The following DLC1 variants were observed in gnomAD, a reference collection of about 807,000 sequenced individuals.
DLC1 encodes DLC1 Rho GTPase activating protein, also known as rho GTPase-activating protein 7.
Under a neutral mutation model 140.3 loss-of-function variants are expected in DLC1, and 54 were observed. The observed-to-expected ratio is 0.38, with a 90% CI of 0.31 to 0.48. The LOEUF (loss-of-function observed/expected upper bound fraction) is 0.48. Among genes scored for constraint, DLC1 ranks in the 20% least tolerant of loss-of-function variants. DLC1 has a pLI of 0.96. For synonymous variants in DLC1, 986 were observed against 728.1 expected (o/e 1.35, Z -5.70); for missense variants, 2,536 against 1,907.0 (o/e 1.33, Z -6.14).
At chr8:13,122,944 T>A (rs1821223298) in intron 5 of DLC1, among the ~76,000 whole-genome samples, 1 of 152,166 alleles carries the variant, frequency 6.6e-6, no homozygotes, top group Non-Finnish European at 1.5e-5. Context: ...CTAAAGCTAA[T>A]CATCCTACAT....
chr8:13,121,823 G>C (rs974593783), intron 5 of DLC1, among the ~76,000 whole-genome samples: 12 of 152,214 alleles, frequency 7.9e-5, no homozygotes, highest in Non-Finnish European at 1.5e-4. Flanking sequence ...AAAGTGCTGG[G>C]ATTACAGGCG....
intron 5 of DLC1, among the ~76,000 whole-genome samples, chr8:13,275,477 T>TA: frequency 6.6e-6 from 1 of 152,158 alleles, no homozygotes; most frequent in African/African-American, 2.4e-5. Flanking sequence ...AACACAGACT[T>TA]AGAGAGCAAA....
intron 6 of DLC1, 141 bp downstream of exon 6, chr8:13,115,445 G>T (rs188785551): frequency 1.3e-6 from 1 of 771,956 alleles, no homozygotes; most frequent in East Asian, 2.9e-5. Context: ...AGCGGTGGGG[G>T]TCTTGCATGC....
At chr8:13,552,214 C>T (rs1308594979) in intron 1 of DLC1, among the ~76,000 whole-genome samples, 4 of 120,088 alleles carry the variant, frequency 3.3e-5, no homozygotes, top group East Asian at 2.5e-4. Context: ...TATATATATA[C>T]CTGTCTAGAC....
intron 4 of DLC1, among the ~76,000 whole-genome samples, chr8:13,379,258 C>A (rs1405993705): frequency 6.6e-6 from 1 of 152,130 alleles, no homozygotes; most frequent in Non-Finnish European, 1.5e-5. Context: ...GGCCTAATTG[C>A]CTTCACCCAT....
At chr8:13,237,027 T>A (rs976148051) in intron 5 of DLC1, among the ~76,000 whole-genome samples, 1 of 152,002 alleles carries the variant, frequency 6.6e-6, no homozygotes, top group Non-Finnish European at 1.5e-5. Flanking sequence ...TTAGATGGCT[T>A]TGAGGTCCCT....
rs1334213905 is a variant in DLC1 at position 13,100,576 on chromosome 8, C to T, written c.1761G>A (p.Glu587=). ...TGCGGACGGAAGACACCTCCTGGCG[C>T]TCGCTGAGGTCCATCAGCGTGCCTC... is the stretch of plus-strand genomic sequence containing the variant. The part of the protein sequence containing the change: ...SPGGTLMDLS[E]RQEVSSVRSL... The change falls in exon 9 of 18, where the codon GAG becomes GAA. Residue 587 remains glutamate (E), a synonymous_variant. Coordinates refer to ENST00000276297, the MANE Select transcript of DLC1 (RefSeq NM_182643.3). 1.2e-6 allele frequency: 2 copies of T among 1,613,650 alleles called. No homozygotes were observed. The highest frequency in any genetic ancestry group is 4.5e-5 in the East Asian group (2 of 44,870).
At chr8:13,508,900 G>C (rs1252962383) in intron 1 of DLC1, among the ~76,000 whole-genome samples, 1 of 151,882 alleles carries the variant, frequency 6.6e-6, no homozygotes, top group Non-Finnish European at 1.5e-5. Flanking sequence ...TATCTTCTTT[G>C]CCATAATATC....
intron 5 of DLC1, among the ~76,000 whole-genome samples, chr8:13,144,495 G>A (rs1187216360): frequency 6.6e-6 from 1 of 152,202 alleles, no homozygotes; most frequent in East Asian, 1.9e-4. Flanking sequence ...GCCCAGCACA[G>A]TGGCTCATGC....
At chr8:13,135,139 G>A (rs369490882) in intron 5 of DLC1, among the ~76,000 whole-genome samples, 2 of 151,848 alleles carry the variant, frequency 1.3e-5, no homozygotes, top group East Asian at 3.9e-4. Flanking sequence ...GTAAAAGCAA[G>A]AAGTTTCAGT....
chr8:13,361,489 T>G (rs73548935), intron 4 of DLC1, among the ~76,000 whole-genome samples: 10,913 of 152,074 alleles, frequency 0.072, 495 homozygotes, highest in Non-Finnish European at 0.1. Flanking sequence ...TGGTCTTGCA[T>G]TGCTGTTCTC....
chr8:13,234,976 G>C (rs1829214230), intron 5 of DLC1, among the ~76,000 whole-genome samples: 1 of 152,006 alleles, frequency 6.6e-6, no homozygotes, highest in African/African-American at 2.4e-5. Context: ...ACTGATTCTA[G>C]GGCCTGTAGC....
In DLC1 at chr8:13,085,538, T is replaced by G; in HGVS notation, c.*273A>C. The G allele has an allele frequency of 3.3e-6, 1 of 304,232 alleles. No homozygotes were observed. 18.8% of individuals were successfully genotyped at this position (304,232 alleles called of 1,614,324 possible). On this transcript the variant is annotated 3_prime_UTR_variant, in exon 18 of 18. Transcript: ENST00000276297. ...TCTTCCATAATGTATTTAAAGAGTT[T>G]TGCTTCTCAGAAGCAATTTGAATAA...
chr8:13,095,471 G>A (rs1363309526), intron 10 of DLC1: 4 of 563,894 alleles, frequency 7.1e-6, no homozygotes, highest in Non-Finnish European at 1.3e-5. Context: ...ATTGGCCTGT[G>A]CAGATAAAGA....
chr8:13,214,973 A>G (rs1828126762), intron 5 of DLC1, among the ~76,000 whole-genome samples: 1 of 152,174 alleles, frequency 6.6e-6, no homozygotes, highest in South Asian at 2.1e-4. Flanking sequence ...ACCATCCAGG[A>G]GGAGTACACA....
intron 1 of DLC1, among the ~76,000 whole-genome samples, chr8:13,564,511 A>C (rs1804360838): frequency 6.6e-6 from 1 of 152,116 alleles, no homozygotes; most frequent in Admixed American, 6.5e-5. Context: ...CTTATACTTA[A>C]ACTAGACTCC....
chr8:13,560,362 C>T (rs546393449), intron 1 of DLC1, among the ~76,000 whole-genome samples: 1 of 152,108 alleles, frequency 6.6e-6, no homozygotes, highest in Non-Finnish European at 1.5e-5. Flanking sequence ...TGTGAGCAGT[C>T]ACTCTACAGG....
chr8:13,503,536 T>C (rs916610083), intron 1 of DLC1, among the ~76,000 whole-genome samples: 1 of 152,248 alleles, frequency 6.6e-6, no homozygotes, highest in African/African-American at 2.4e-5. Flanking sequence ...GAAGACCACC[T>C]TATAATTTGG....
intron 2 of DLC1, among the ~76,000 whole-genome samples, chr8:13,445,736 A>G (rs1486883222): frequency 6.6e-6 from 1 of 152,202 alleles, no homozygotes; most frequent in Non-Finnish European, 1.5e-5. Flanking sequence ...AGGAGAAAGA[A>G]AAACAAAACA....
Sources: allele counts gnomAD v4.1 joint callset (sites outside exome capture counted in the v4.1 genomes callset), GRCh38; gene constraint gnomAD v4.1.1; transcripts MANE v1.5; gene names NCBI Gene and HGNC (gene_info 2026-07-23, HGNC 2026-07-21).